Variants in UBE2E2 observed in about 807,000 individuals in gnomAD.
UBE2E2 encodes ubiquitin-conjugating enzyme E2 E2.
Under a neutral mutation model 24.7 loss-of-function variants are expected in UBE2E2, and 6 were observed. The ratio of observed to expected loss-of-function variants is 0.24; its 90% CI spans 0.13 to 0.48. The LOEUF (loss-of-function observed/expected upper bound fraction) is 0.48. UBE2E2 is among the 20% of genes least tolerant of loss of function. The probability of loss-of-function intolerance (pLI) is 0.99; values close to 1 mark genes in which losing one functional copy is unlikely to be tolerated. For missense variants in UBE2E2, 169 were observed against 245.0 expected (o/e 0.69, Z 2.07); for synonymous variants, 104 against 83.6 (o/e 1.24, Z -1.33).
chr3:23,272,536 C>A (rs977220245), intron 3 of UBE2E2, among the ~76,000 whole-genome samples: 4 of 152,232 alleles, frequency 2.6e-5, no homozygotes, highest in African/African-American at 9.6e-5. Flanking sequence ...CGAGCGAGGG[C>A]CGCCAGCACG....
chr3:23,562,867 A>G (rs979188198), intron 5 of UBE2E2, among the ~76,000 whole-genome samples: 30 of 152,262 alleles, frequency 2.0e-4, no homozygotes, highest in African/African-American at 6.7e-4. Context: ...AGAGGTGTTT[A>G]TAGTATTCTC....
chr3:23,420,618 A>G (rs1270121404), intron 3 of UBE2E2, among the ~76,000 whole-genome samples: 1 of 152,212 alleles, frequency 6.6e-6, no homozygotes, highest in African/African-American at 2.4e-5. Context: ...CATAGTTGTA[A>G]CTTCTAAGAC....
intron 3 of UBE2E2, among the ~76,000 whole-genome samples, chr3:23,254,461 C>G (rs577991918): frequency 1.3e-5 from 2 of 152,098 alleles, no homozygotes; most frequent in African/African-American, 2.4e-5. Context: ...CTGGTCCAGG[C>G]TAGTTTGTGC....
At position 23,453,966 on chromosome 3, in the gene UBE2E2, ATAGT is replaced by A. The variant is rs1174082902; in HGVS notation, c.228-45640_228-45637del. On this transcript the variant is annotated intron_variant, in intron 3 of 5. Transcript: ENST00000396703. ...GTCTGCTATAAAATAACTTAAAGGTATAGTTTTCTATACTCTTTAATTTTACAGA... is the reference window on the plus strand; with the variant it reads ...GTCTGCTATAAAATAACTTAAAGGTATTTCTATACTCTTTAATTTTACAGA... Among the ~76,000 whole-genome samples the A allele has an allele frequency of 2.0e-5, 3 of 152,194 alleles. No individual in the cohort carries two copies. In the East Asian group the frequency reaches 5.8e-4, roughly 29 times the overall value.
At chr3:23,540,758 A>G (rs1695379938) in intron 5 of UBE2E2, among the ~76,000 whole-genome samples, 1 of 152,080 alleles carries the variant, frequency 6.6e-6, no homozygotes, top group Admixed American at 6.6e-5. Flanking sequence ...TCTGTTGCCT[A>G]TGCTGGACTG....
At chr3:23,466,171 C>T (rs1446555994) in intron 3 of UBE2E2, among the ~76,000 whole-genome samples, 1 of 152,088 alleles carries the variant, frequency 6.6e-6, no homozygotes, top group Non-Finnish European at 1.5e-5. Context: ...ATACAGCCAG[C>T]ACACCAAAGC....
intron 5 of UBE2E2, among the ~76,000 whole-genome samples, chr3:23,558,780 G>T (rs141196699): frequency 2.6e-5 from 4 of 152,158 alleles, no homozygotes; most frequent in African/African-American, 9.6e-5. Context: ...GTTATTTATT[G>T]CCAGGCACAG....
intron 3 of UBE2E2, among the ~76,000 whole-genome samples, chr3:23,495,431 G>C (rs975907700): frequency 6.6e-6 from 1 of 152,114 alleles, no homozygotes; most frequent in African/African-American, 2.4e-5. Flanking sequence ...TACCATTCTT[G>C]GGAGGCCATT....
At chr3:23,346,406 T>G (rs1334594871) in intron 3 of UBE2E2, among the ~76,000 whole-genome samples, 1 of 152,214 alleles carries the variant, frequency 6.6e-6, no homozygotes, top group African/African-American at 2.4e-5. Flanking sequence ...AGGTTGAAGA[T>G]GACATTTTCT....
At chr3:23,543,598 G>T (rs1333640934) in intron 5 of UBE2E2, among the ~76,000 whole-genome samples, 1 of 151,570 alleles carries the variant, frequency 6.6e-6, no homozygotes, top group Admixed American at 6.6e-5. Context: ...TACATTTCAT[G>T]TTCATGGATT....
At chr3:23,422,713 A>T (rs1697831657) in intron 3 of UBE2E2, among the ~76,000 whole-genome samples, 1 of 152,190 alleles carries the variant, frequency 6.6e-6, no homozygotes, top group South Asian at 2.1e-4. Flanking sequence ...GCAGATTTTC[A>T]CTCAAGGAAA....
intron 4 of UBE2E2, among the ~76,000 whole-genome samples, chr3:23,531,367 ATAT>A (rs1695119201): frequency 6.6e-6 from 1 of 151,902 alleles, no homozygotes; most frequent in Non-Finnish European, 1.5e-5. Flanking sequence ...TATGAACATA[ATAT>A]TAATCAATAA....
At chr3:23,314,385 C>G (rs945626876) in intron 3 of UBE2E2, among the ~76,000 whole-genome samples, 1 of 152,164 alleles carries the variant, frequency 6.6e-6, no homozygotes, top group African/African-American at 2.4e-5. Flanking sequence ...TCGCCTCTAC[C>G]TCCTAAAGTG....
In UBE2E2 at chr3:23,590,946, T is replaced by G. The variant is rs191217727; in HGVS notation, c.*1115T>G. ...TTTCTCTCAAAATTGTTACAGTGAT[T>G]GCCCTCAAGCTTTGTATTGTTCATT... On this transcript the variant is annotated 3_prime_UTR_variant, in exon 6 of 6. Transcript: ENST00000396703. The G allele has an allele frequency of 5.4e-4, 83 of 152,344 alleles. No homozygotes were observed. Among genetic ancestry groups the G allele is most frequent in the African/African-American group, 2.0e-3 (82 of 41,574 alleles). The allele number at this position is 152,344 out of a possible 1,614,324, so 9.4% of individuals were successfully genotyped here. A position where few individuals can be genotyped will look rare whatever the true frequency, so the allele number is the denominator to read the frequency against.
chr3:23,447,436 GT>G (rs1360846612), intron 3 of UBE2E2, among the ~76,000 whole-genome samples: 1 of 152,194 alleles, frequency 6.6e-6, no homozygotes, highest in African/African-American at 2.4e-5. Flanking sequence ...TTGTGAGTTA[GT>G]TGTAGTTATG....
At chr3:23,394,479 A>G (rs563086801) in intron 3 of UBE2E2, among the ~76,000 whole-genome samples, 5 of 152,258 alleles carry the variant, frequency 3.3e-5, no homozygotes, top group East Asian at 1.9e-4. Flanking sequence ...GCTTTTGGTA[A>G]TGGTGGATGA....
chr3:23,355,612 AC>A (rs202107169), intron 3 of UBE2E2, among the ~76,000 whole-genome samples: 3 of 152,142 alleles, frequency 2.0e-5, no homozygotes, highest in Admixed American at 1.3e-4. Context: ...AAATACAGTT[AC>A]TTTTTTTTGT....
Position 23,229,996 on chromosome 3 carries a change from T to G in UBE2E2, c.227+12684T>G, listed in dbSNP as rs144103961. 4.6e-5 allele frequency among the ~76,000 whole-genome samples: 7 copies of G among 152,336 alleles called. No individual in the cohort carries two copies. The East Asian group carries it at 1.4e-3, about 29-fold the overall frequency. ...AACTACGAGGTCATTTTGATGGTGC[T>G]TGTAGTTAGGTATTTATGTTGTGTA... is the stretch of plus-strand genomic sequence containing the variant. On this transcript the variant is annotated intron_variant, in intron 3 of 5. Coordinates refer to ENST00000396703, the MANE Select transcript of UBE2E2 (RefSeq NM_152653.4).
intron 5 of UBE2E2, among the ~76,000 whole-genome samples, chr3:23,584,771 G>A (rs1432076983): frequency 2.4e-5 from 3 of 125,082 alleles, no homozygotes; most frequent in Non-Finnish European, 4.8e-5. Flanking sequence ...GGTTCTCACT[G>A]TGTTGCCCAG....
Sources: gnomAD v4.1 joint callset for allele counts (sites outside exome capture counted in the v4.1 genomes callset) on GRCh38, gnomAD v4.1.1 for gene constraint, MANE v1.5 for transcripts, NCBI Gene and HGNC (gene_info 2026-07-23, HGNC 2026-07-21) for gene names.